The following PHKB variants were observed in gnomAD, a reference collection of about 807,000 sequenced individuals.
PHKB encodes the protein phosphorylase b kinase regulatory subunit beta.
Under a neutral mutation model 152.1 loss-of-function variants are expected in PHKB, and 122 were observed. That is an observed-to-expected ratio of 0.80 (90% CI 0.69 to 0.93). The LOEUF is 0.93. PHKB is among the 40% of genes least tolerant of loss of function. PHKB has a pLI of 0.00. For synonymous variants in PHKB, 436 were observed against 464.9 expected, an observed-to-expected ratio of 0.94 and a Z score of 0.80; for missense variants, 1,304 against 1,328.4, an observed-to-expected ratio of 0.98 and a Z score of 0.29.
chr16:47,650,738 A>G, intron 19 of PHKB, 93 bp from the exon 20 acceptor site: 1 of 1,236,540 alleles, frequency 8.1e-7, no homozygotes, highest in Non-Finnish European at 1.2e-6. Flanking sequence ...TATGTGGTGG[A>G]ATACTTTGTA....
At chr16:47,495,344 T>C (rs1424999486) in intron 1 of PHKB, among the ~76,000 whole-genome samples, 2 of 152,086 alleles carry the variant, frequency 1.3e-5, no homozygotes, top group East Asian at 3.9e-4. Context: ...TCACCTACCA[T>C]TGTAATGCAG....
intron 20 of PHKB, among the ~76,000 whole-genome samples, chr16:47,659,211 A>C (rs1973394818): frequency 6.6e-6 from 1 of 152,138 alleles, no homozygotes; most frequent in Non-Finnish European, 1.5e-5. Context: ...TAATACGTCC[A>C]TCCTACCATC....
At chr16:47,464,645 T>C (rs1969635889) in intron 1 of PHKB, among the ~76,000 whole-genome samples, 1 of 152,200 alleles carries the variant, frequency 6.6e-6, no homozygotes, top group South Asian at 2.1e-4. Flanking sequence ...GACCCAGACA[T>C]GATTACCTAT....
intron 5 of PHKB, among the ~76,000 whole-genome samples, chr16:47,514,451 G>T (rs933069445): frequency 3.3e-5 from 5 of 152,186 alleles, no homozygotes; most frequent in Non-Finnish European, 5.9e-5. Flanking sequence ...CCAAAAGCTG[G>T]ATAACCTGGA....
intron 6 of PHKB, among the ~76,000 whole-genome samples, chr16:47,537,962 A>G (rs1256765388): frequency 6.6e-6 from 1 of 151,808 alleles, no homozygotes; most frequent in Non-Finnish European, 1.5e-5. Context: ...TGGCGTGATC[A>G]CAGCTCACTG....
intron 1 of PHKB, among the ~76,000 whole-genome samples, chr16:47,468,857 T>C (rs1482443652): frequency 2.0e-5 from 3 of 152,182 alleles, no homozygotes; most frequent in Admixed American, 1.3e-4. Context: ...AGGCTCTCTC[T>C]AATAGCTATT....
chr16:47,546,964 C>T (rs1410765129), intron 6 of PHKB, among the ~76,000 whole-genome samples: 1 of 152,136 alleles, frequency 6.6e-6, no homozygotes, highest in East Asian at 1.9e-4. Context: ...AGTGGAAAAG[C>T]ACAGTATTTA....
chr16:47,608,160 C>G (rs980513165), intron 13 of PHKB, among the ~76,000 whole-genome samples: 1 of 151,832 alleles, frequency 6.6e-6, no homozygotes, highest in African/African-American at 2.4e-5. Context: ...CTTGATGGAT[C>G]TTTTGAGGCA....
At chr16:47,570,693 T>TA (rs1971643399) in intron 7 of PHKB, among the ~76,000 whole-genome samples, 1 of 151,920 alleles carries the variant, frequency 6.6e-6, no homozygotes, top group South Asian at 2.1e-4. Flanking sequence ...ATTTTTTTTT[T>TA]ATTTCTTTAT....
chr16:47,481,747 A>G (rs1969967129), intron 1 of PHKB, among the ~76,000 whole-genome samples: 1 of 152,176 alleles, frequency 6.6e-6, no homozygotes, highest in African/African-American at 2.4e-5. Flanking sequence ...CATCCCTGTG[A>G]GGTTATATAA....
intron 13 of PHKB, among the ~76,000 whole-genome samples, chr16:47,609,238 G>C (rs1001016762): frequency 1.3e-5 from 2 of 152,040 alleles, no homozygotes; most frequent in Admixed American, 1.3e-4. Flanking sequence ...CCTTGCATTT[G>C]TGGGATAGAT....
At chr16:47,616,574 A>C (rs1260152954) in intron 14 of PHKB, among the ~76,000 whole-genome samples, 1 of 143,622 alleles carries the variant, frequency 7.0e-6, no homozygotes, top group Non-Finnish European at 1.6e-5. Flanking sequence ...TATATTTTAC[A>C]TATAAATATC....
intron 7 of PHKB, among the ~76,000 whole-genome samples, chr16:47,567,581 G>A (rs1476923673): frequency 6.6e-6 from 1 of 152,154 alleles, no homozygotes; most frequent in Admixed American, 6.5e-5. Context: ...ATGTTGAATA[G>A]AAGTGATGAA....
chr16:47,502,205 A>G (rs1039162349), intron 3 of PHKB, among the ~76,000 whole-genome samples: 1 of 152,176 alleles, frequency 6.6e-6, no homozygotes, highest in Non-Finnish European at 1.5e-5. Flanking sequence ...CAATGAATAA[A>G]TCACTTTTAT....
At chr16:47,643,066 A>G (rs1392944153) in intron 16 of PHKB, among the ~76,000 whole-genome samples, 2 of 152,186 alleles carry the variant, frequency 1.3e-5, no homozygotes, top group African/African-American at 4.8e-5. Flanking sequence ...TACTCTTAAA[A>G]CAAATTAACC....
intron 6 of PHKB, among the ~76,000 whole-genome samples, chr16:47,523,706 C>A (rs1186680856): frequency 6.6e-6 from 1 of 152,166 alleles, no homozygotes; most frequent in Non-Finnish European, 1.5e-5. Context: ...ACTTCATCCC[C>A]CAGGTTTAAG....
intron 16 of PHKB, among the ~76,000 whole-genome samples, chr16:47,644,513 G>T (rs986102984): frequency 2.0e-5 from 3 of 152,150 alleles, no homozygotes; most frequent in Admixed American, 2.0e-4. Flanking sequence ...GAGAGCTCTG[G>T]CAACACCACT....
chr16:47,552,829 A>C (rs1971297134), intron 7 of PHKB, among the ~76,000 whole-genome samples: 1 of 151,992 alleles, frequency 6.6e-6, no homozygotes, highest in African/African-American at 2.4e-5. Context: ...ACACACACAC[A>C]CACCAAAAAA....
intron 12 of PHKB, 95 bp downstream of exon 12, chr16:47,594,309 G>C: frequency 2.8e-6 from 2 of 702,832 alleles, no homozygotes; most frequent in South Asian, 3.2e-5. Context: ...ACAATAATTT[G>C]TATTAAATTG....
Sources: allele counts gnomAD v4.1 joint callset (sites outside exome capture counted in the v4.1 genomes callset), GRCh38; gene constraint gnomAD v4.1.1; transcripts MANE v1.5; gene names NCBI Gene and HGNC (gene_info 2026-07-23, HGNC 2026-07-21).